The following ITPR1 variants were observed in gnomAD, a reference collection of about 807,000 sequenced individuals.
ITPR1 encodes inositol 1,4,5-trisphosphate receptor type 1.
ITPR1 carries 96 observed loss-of-function variants against 318.4 expected under a neutral mutation model. The ratio of observed to expected loss-of-function variants is 0.30; its 90% CI spans 0.26 to 0.36. The LOEUF (loss-of-function observed/expected upper bound fraction) is 0.36, where lower values mean the gene tolerates loss of function less well. Among genes scored for constraint, ITPR1 ranks in the 10% least tolerant of loss-of-function variants. The probability of loss-of-function intolerance (pLI) is 1.00; values close to 1 mark genes in which losing one functional copy is unlikely to be tolerated. For synonymous variants in ITPR1, 1,312 were observed against 1,289.9 expected, an observed-to-expected ratio of 1.02 and a Z score of -0.37; for missense variants, 2,440 against 3,460.2, an observed-to-expected ratio of 0.71 and a Z score of 7.40.
At chr3:4,743,044 T>C (rs895914409) in intron 44 of ITPR1, among the ~76,000 whole-genome samples, 1 of 152,252 alleles carries the variant, frequency 6.6e-6, no homozygotes, top group Non-Finnish European at 1.5e-5. Context: ...TTGCCACTAA[T>C]AGTAATGAGA....
intron 4 of ITPR1, among the ~76,000 whole-genome samples, chr3:4,619,084 C>T (rs1008826): frequency 0.038 from 5,720 of 152,244 alleles, 321 homozygotes; most frequent in African/African-American, 0.13. Flanking sequence ...TTTTAAGATA[C>T]TGCTGTGTTA....
intron 4 of ITPR1, among the ~76,000 whole-genome samples, chr3:4,537,503 A>T (rs2083981282): frequency 6.6e-6 from 1 of 152,208 alleles, no homozygotes; most frequent in Non-Finnish European, 1.5e-5. Flanking sequence ...TTACCTGTGA[A>T]TATGTTACCT....
At chr3:4,542,847 AG>A (rs1235450911) in intron 4 of ITPR1, among the ~76,000 whole-genome samples, 1 of 152,228 alleles carries the variant, frequency 6.6e-6, no homozygotes, top group Non-Finnish European at 1.5e-5. Context: ...CATACCTTCC[AG>A]GGGTCTTGTT....
intron 60 of ITPR1, among the ~76,000 whole-genome samples, chr3:4,823,491 C>G (rs1346420601): frequency 6.6e-6 from 1 of 152,100 alleles, no homozygotes; most frequent in Non-Finnish European, 1.5e-5. Flanking sequence ...GGAATGAAAT[C>G]CTGTCATTTG....
chr3:4,777,089 G>A (rs2046530693), intron 47 of ITPR1, among the ~76,000 whole-genome samples, 175 bp from the exon 48 acceptor site: 2 of 152,206 alleles, frequency 1.3e-5, no homozygotes, highest in South Asian at 2.1e-4. Context: ...TGAAACTAGA[G>A]ATTTTCATCT....
chr3:4,721,160 G>A (rs75898076), intron 40 of ITPR1, among the ~76,000 whole-genome samples: 13,854 of 79,828 alleles, frequency 0.17, 1,034 homozygotes, highest in Admixed American at 0.22. Flanking sequence ...GTGTAGATAC[G>A]TGTGTGTGCG....
Position 4,710,563 on chromosome 3 carries a change from GTTT to G in ITPR1, c.4991+94_4991+96del. On this transcript the variant is annotated intron_variant, in intron 38 of 61. Transcript: ENST00000649015. This position sits in a 1 kb window ranked among gnomAD's most constrained non-coding sequence, Gnocchi z 4.2. Reference sequence around the variant, plus strand: ...TTCCCGAAGAAGGAGACGTTGTCCTGTTTTTTAACTTTGATGAATGCAAGGTCA... The same window carrying G: ...TTCCCGAAGAAGGAGACGTTGTCCTGTTTAACTTTGATGAATGCAAGGTCA... The G allele has an allele frequency of 7.5e-7, 1 of 1,340,422 alleles. No homozygotes were observed. Among genetic ancestry groups the G allele is most frequent in the Non-Finnish European group, 1.0e-6 (1 of 985,674 alleles). The allele number at this position is 1,340,422 out of a possible 1,614,324, so 83.0% of individuals were successfully genotyped here.
intron 60 of ITPR1, among the ~76,000 whole-genome samples, chr3:4,819,607 C>T (rs564247907): frequency 6.6e-6 from 1 of 152,304 alleles, no homozygotes; most frequent in East Asian, 1.9e-4. Context: ...CCTTTACATA[C>T]ATTTGGCCCT....
At chr3:4,805,872 C>T (rs771731172) in intron 54 of ITPR1, among the ~76,000 whole-genome samples, 1 of 152,148 alleles carries the variant, frequency 6.6e-6, no homozygotes, top group African/African-American at 2.4e-5. Context: ...ATTACTGTTG[C>T]GCATGAAGTT....
chr3:4,518,767 G>A (rs1014711855), intron 3 of ITPR1, among the ~76,000 whole-genome samples: 1 of 152,150 alleles, frequency 6.6e-6, no homozygotes, highest in Non-Finnish European at 1.5e-5. Context: ...TGCCTTTTTA[G>A]CTTGTTAAAA....
chr3:4,634,082 C>A (rs1004532582), intron 5 of ITPR1, among the ~76,000 whole-genome samples: 1 of 152,142 alleles, frequency 6.6e-6, no homozygotes, highest in African/African-American at 2.4e-5. Flanking sequence ...GTGGTGGAAC[C>A]ATTTCATAGA....
At chr3:4,616,056 C>T (rs918590217) in intron 4 of ITPR1, among the ~76,000 whole-genome samples, 1 of 152,302 alleles carries the variant, frequency 6.6e-6, no homozygotes, top group African/African-American at 2.4e-5. Context: ...AAAAGGCTAC[C>T]GTCATGGCTG....
chr3:4,766,567 C>T lies in ITPR1; in HGVS notation c.5582C>T (p.Ser1861Leu), dbSNP rs1387132292. 1 of 1,613,516 alleles carries T rather than the reference C, an allele frequency of 6.2e-7. No homozygotes were observed. The highest frequency in any genetic ancestry group is 1.3e-5 in the African/African-American group (1 of 74,898). ...TGTCGCTTGACAGAAGATAAGAAGT[C>T]AGAGAAATTCTTTAAGGTGTTTTAT... ...FFCRLTEDKK[S>L]EKFFKVFYDR... Residue 1861 changes from serine to leucine, a missense_variant, in exon 45 of 62, where the codon TCA becomes TTA. Ser to Leu is a moderately radical substitution (Grantham distance 145). Transcript: ENST00000649015.
intron 48 of ITPR1, among the ~76,000 whole-genome samples, chr3:4,778,127 T>C (rs1359136748): frequency 2.0e-5 from 3 of 152,222 alleles, no homozygotes; most frequent in Non-Finnish European, 4.4e-5. Context: ...GATATACCAT[T>C]CCTGATGTTG....
intron 3 of ITPR1, among the ~76,000 whole-genome samples, chr3:4,518,981 G>A (rs1351868296): frequency 6.6e-6 from 1 of 152,130 alleles, no homozygotes; most frequent in African/African-American, 2.4e-5. Context: ...TAGTAAGCTG[G>A]GTTGACAGAG....
chr3:4,650,500 T>G (rs2093568489), intron 10 of ITPR1, among the ~76,000 whole-genome samples: 1 of 152,176 alleles, frequency 6.6e-6, no homozygotes, highest in South Asian at 2.1e-4. Context: ...AAAAAAATGT[T>G]CCTTGTATAT....
chr3:4,841,322 T>C (rs969448242), intron 61 of ITPR1, among the ~76,000 whole-genome samples: 15 of 152,168 alleles, frequency 9.9e-5, no homozygotes. Flanking sequence ...GTTTAGCTTT[T>C]ATAATCTTAC....
At chr3:4,507,874 A>G (rs1395274270) in intron 2 of ITPR1, among the ~76,000 whole-genome samples, 1 of 152,232 alleles carries the variant, frequency 6.6e-6, no homozygotes, top group Non-Finnish European at 1.5e-5. Context: ...AGCTTTTAAT[A>G]ATAGATGAGC....
At chr3:4,746,214 T>C (rs1011288175) in intron 44 of ITPR1, among the ~76,000 whole-genome samples, 12 of 152,208 alleles carry the variant, frequency 7.9e-5, no homozygotes, top group South Asian at 4.1e-4. Flanking sequence ...GGCATTTCTC[T>C]CTTCCACGCG....
Sources: gnomAD v4.1 joint callset for allele counts (sites outside exome capture counted in the v4.1 genomes callset) on GRCh38, gnomAD v4.1.1 for gene constraint, Gnocchi (gnomAD v3.1) non-coding constraint, MANE v1.5 for transcripts, NCBI Gene and HGNC (gene_info 2026-07-23, HGNC 2026-07-21) for gene names.